ITCH: variants seen among roughly 807,000 people sequenced by gnomAD.
The protein encoded by ITCH is itchy E3 ubiquitin protein ligase.
In ITCH, 28 loss-of-function variants were observed where a neutral mutation model predicts 126.8. The ratio of observed to expected loss-of-function variants is 0.22; its 90% CI spans 0.16 to 0.30. ITCH has a LOEUF of 0.30. Among genes scored for constraint, ITCH ranks in the 10% least tolerant of loss-of-function variants. The pLI is 1.00. For synonymous variants in ITCH, 342 were observed against 340.0 expected (o/e 1.01, Z -0.06); for missense variants, 631 against 1,032.4 (o/e 0.61, Z 5.33).
intron 11 of ITCH, among the ~76,000 whole-genome samples, 156 bp from the exon 12 acceptor site, chr20:34,449,255 G>A (rs748857399): frequency 7.2e-5 from 11 of 152,086 alleles, no homozygotes; most frequent in Admixed American, 2.0e-4. Flanking sequence ...CCAAACCAAA[G>A]TATATTGGCA....
At position 34,484,837 on chromosome 20, in the gene ITCH, A is replaced by G. The variant is rs73257192; in HGVS notation, c.2093+3631A>G. Among the ~76,000 whole-genome samples the G allele has an allele frequency of 7.3e-3, 1,115 of 152,316 alleles. 14 individuals are homozygous for G. The highest frequency in any genetic ancestry group is 0.025 in the African/African-American group (1,058 of 41,570). Reference sequence around the variant, plus strand: ...TGCTAGATCACTCATTTAATTACCAATTCTGTAAACACTGTTCCATATAGC... The same window carrying G: ...TGCTAGATCACTCATTTAATTACCAGTTCTGTAAACACTGTTCCATATAGC... On this transcript the variant is annotated intron_variant, in intron 20 of 24. Transcript: ENST00000374864.
intron 8 of ITCH, among the ~76,000 whole-genome samples, chr20:34,439,881 T>C (rs1983505157): frequency 1.3e-5 from 2 of 152,238 alleles, no homozygotes; most frequent in Admixed American, 6.5e-5. Flanking sequence ...TAAAAGTTTT[T>C]ATTTCCAGTG....
At chr20:34,380,544 ATG>A (rs1251114441) in intron 2 of ITCH, among the ~76,000 whole-genome samples, 1 of 128,460 alleles carries the variant, frequency 7.8e-6, no homozygotes, top group Non-Finnish European at 1.6e-5. Flanking sequence ...TTTATCAGAT[ATG>A]TGTTTTGCAG....
At position 34,412,548 on chromosome 20, in the gene ITCH, T is replaced by C. The variant is rs3761146; in HGVS notation, c.246T>C (p.Arg82=). The change falls in exon 5 of 25, where the codon CGT becomes CGC. Residue 82 remains arginine, a synonymous_variant. Coordinates refer to ENST00000374864, the MANE Select transcript of ITCH (RefSeq NM_031483.7). ...IVTPVSKLHF[R]VWSHQTLKSD... The stretch of plus-strand genomic sequence containing the variant: ...CCCCTGTGAGTAAATTACATTTTCG[T>C]GTGTGGAGTCACCAGACACTGAAAT... The C allele has an allele frequency of 3.4e-3, 5,534 of 1,604,096 alleles. 248 individuals are homozygous for C. In the East Asian group the frequency reaches 0.1, roughly 29 times the overall value.
intron 12 of ITCH, among the ~76,000 whole-genome samples, chr20:34,451,508 G>A (rs1985245548): frequency 6.6e-6 from 1 of 152,074 alleles, no homozygotes; most frequent in African/African-American, 2.4e-5. Flanking sequence ...ACCAAAGCTT[G>A]GCAGCCTGGA....
intron 2 of ITCH, among the ~76,000 whole-genome samples, chr20:34,385,664 A>G (rs540391545): frequency 2.0e-5 from 3 of 152,254 alleles, no homozygotes; most frequent in African/African-American, 4.8e-5. Flanking sequence ...CCTGGTGCCA[A>G]TTTCCTTAAA....
intron 2 of ITCH, among the ~76,000 whole-genome samples, chr20:34,377,846 A>G (rs2037905016): frequency 6.6e-6 from 1 of 151,566 alleles, no homozygotes; most frequent in South Asian, 2.1e-4. Context: ...ACTCCAGCCT[A>G]GGCAACAGAG....
intron 24 of ITCH, among the ~76,000 whole-genome samples, chr20:34,506,434 T>G (rs1990624891): frequency 6.6e-6 from 1 of 152,142 alleles, no homozygotes; most frequent in Non-Finnish European, 1.5e-5. Flanking sequence ...CCCCAGCCTG[T>G]TAGGAACTGG....
At chr20:34,487,768 G>A (rs1417650470) in intron 20 of ITCH, among the ~76,000 whole-genome samples, 2 of 151,948 alleles carry the variant, frequency 1.3e-5, no homozygotes, top group Non-Finnish European at 2.9e-5. Flanking sequence ...ATGAAACCCC[G>A]TCTCTACTAA....
At chr20:34,482,048 C>T (rs1988791860) in intron 20 of ITCH, among the ~76,000 whole-genome samples, 1 of 152,142 alleles carries the variant, frequency 6.6e-6, no homozygotes, top group Non-Finnish European at 1.5e-5. Context: ...TTCATCATAT[C>T]TTGTGAGACA....
chr20:34,398,078 T>C (rs966470969), intron 3 of ITCH, among the ~76,000 whole-genome samples: 1 of 151,994 alleles, frequency 6.6e-6, no homozygotes, highest in Non-Finnish European at 1.5e-5. Flanking sequence ...TTTTTTTCTT[T>C]TTGAGATGGG....
At chr20:34,476,294 TC>T (rs1461065450) in intron 16 of ITCH, 12 of 895,138 alleles carry the variant, frequency 1.3e-5, no homozygotes, top group Non-Finnish European at 2.3e-5. Context: ...TCTGAGCTGC[TC>T]CGCGCCCCTG....
At chr20:34,384,005 C>T (rs942148252) in intron 2 of ITCH, among the ~76,000 whole-genome samples, 2 of 151,272 alleles carry the variant, frequency 1.3e-5, no homozygotes, top group African/African-American at 2.4e-5. Flanking sequence ...CCACTGCACC[C>T]GGCTAATTTT....
Position 34,480,496 on chromosome 20 carries a change from C to G in ITCH, c.1819-103C>G, listed in dbSNP as rs918348996. On this transcript the variant is annotated intron_variant, in intron 18 of 24. Coordinates refer to ENST00000374864, the MANE Select transcript of ITCH (RefSeq NM_031483.7). ...GGATTACAGGCGTGAGCCACCATGC[C>G]TGACCCAGGGAAGTGTTTTTAAATG... 10 of 1,406,588 alleles carry G rather than the reference C, an allele frequency of 7.1e-6. No individual in the cohort carries two copies. The Admixed American group carries it at 8.4e-5, about 12-fold the overall frequency. The allele number at this position is 1,406,588 out of a possible 1,614,324, so 87.1% of individuals were successfully genotyped here. A position where few individuals can be genotyped will look rare whatever the true frequency, so the allele number is the denominator to read the frequency against.
chr20:34,452,538 A>G lies in ITCH; in HGVS notation c.1210+3058A>G, dbSNP rs527745501. 4.6e-5 allele frequency among the ~76,000 whole-genome samples: 7 copies of G among 152,348 alleles called. No homozygotes were observed. In the East Asian group the frequency reaches 1.3e-3, roughly 29 times the overall value. On this transcript the variant is annotated intron_variant, in intron 12 of 24. Coordinates refer to ENST00000374864, the MANE Select transcript of ITCH (RefSeq NM_031483.7). ...TAGAACCAGTGACAGCACTGGTAGTATATCAGATGAAGCAACCCACCCAAC... is the reference window on the plus strand; with the variant it reads ...TAGAACCAGTGACAGCACTGGTAGTGTATCAGATGAAGCAACCCACCCAAC...
chr20:34,425,324 C>G (rs577883845), intron 7 of ITCH, among the ~76,000 whole-genome samples: 5 of 152,120 alleles, frequency 3.3e-5, no homozygotes, highest in Non-Finnish European at 5.9e-5. Context: ...CCCAAGAAAG[C>G]CTGGGTATTG....
intron 15 of ITCH, among the ~76,000 whole-genome samples, 199 bp from the exon 16 acceptor site, chr20:34,471,242 GTTC>G (rs1347092900): frequency 2.6e-5 from 4 of 151,448 alleles, no homozygotes; most frequent in Admixed American, 6.6e-5. Context: ...CAATCTTGTG[GTTC>G]TTCTGTTTGC....
At chr20:34,425,952 A>C (rs772752536) in intron 7 of ITCH, among the ~76,000 whole-genome samples, 12 of 152,220 alleles carry the variant, frequency 7.9e-5, no homozygotes, top group Non-Finnish European at 1.5e-4. Context: ...TCTCCACCTG[A>C]CGAGAAATAC....
At chr20:34,406,781 G>A (rs770898115) in intron 3 of ITCH, among the ~76,000 whole-genome samples, 4 of 152,064 alleles carry the variant, frequency 2.6e-5, no homozygotes, top group Non-Finnish European at 5.9e-5. Flanking sequence ...TGATCCGCCC[G>A]TCTCAGTCTC....
Sources: allele counts gnomAD v4.1 joint callset (sites outside exome capture counted in the v4.1 genomes callset), GRCh38; gene constraint gnomAD v4.1.1; transcripts MANE v1.5; gene names NCBI Gene and HGNC (gene_info 2026-07-23, HGNC 2026-07-21).